Variants in PALM2AKAP2 observed in about 807,000 individuals in gnomAD.
The protein encoded by PALM2AKAP2 is PALM2-AKAP2 fusion protein.
In PALM2AKAP2, 37 loss-of-function variants were observed where a neutral mutation model predicts 71.5. That is an observed-to-expected ratio of 0.52 (90% confidence interval 0.40 to 0.68). PALM2AKAP2 has a LOEUF of 0.68. Among genes scored for constraint, PALM2AKAP2 ranks in the 30% least tolerant of loss-of-function variants. PALM2AKAP2 has a pLI of 0.00. For synonymous variants in PALM2AKAP2, 468 were observed against 478.8 expected (o/e 0.98, Z 0.29); for missense variants, 1,224 against 1,191.8 (o/e 1.03, Z -0.40).
At chr9:109,657,452 T>TTTTGTGTGTGTGTGTGTGTGTGTGTGTG (rs112474230) in intron 1 of PALM2AKAP2, among the ~76,000 whole-genome samples, 13 of 147,216 alleles carry the variant, frequency 8.8e-5, no homozygotes, top group African/African-American at 3.3e-4. Flanking sequence ...AATATGGTAT[T>TTTTGTGTGTGTGTGTGTGTGTGTGTGTG]TGTGTGTGTG....
chr9:109,989,596 G>T (rs934236365), intron 6 of PALM2AKAP2, among the ~76,000 whole-genome samples: 4 of 152,174 alleles, frequency 2.6e-5, no homozygotes, highest in African/African-American at 9.7e-5. Context: ...ACTCCAAATA[G>T]GTTATCTTCA....
intron 1 of PALM2AKAP2, among the ~76,000 whole-genome samples, chr9:110,116,049 C>A (rs1835354192): frequency 6.6e-6 from 1 of 152,200 alleles, no homozygotes; most frequent in African/African-American, 2.4e-5. Flanking sequence ...GAGACCTGTT[C>A]TGTTCCCTGG....
chr9:109,691,891 T>C (rs1440802481), intron 1 of PALM2AKAP2, among the ~76,000 whole-genome samples: 1 of 69,362 alleles, frequency 1.4e-5, no homozygotes, highest in Non-Finnish European at 2.9e-5. Flanking sequence ...CATATATATA[T>C]ATATATATAT....
At chr9:109,818,329 G>A (rs1262255339) in intron 1 of PALM2AKAP2, among the ~76,000 whole-genome samples, 1 of 152,036 alleles carries the variant, frequency 6.6e-6, no homozygotes, top group East Asian at 1.9e-4. Context: ...AGGAGCTATG[G>A]GTATCAATAA....
intron 1 of PALM2AKAP2, among the ~76,000 whole-genome samples, chr9:109,795,436 C>T (rs1388988926): frequency 6.6e-6 from 1 of 152,180 alleles, no homozygotes; most frequent in East Asian, 1.9e-4. Flanking sequence ...ATTTAACTAA[C>T]CTGCACGTTG....
chr9:109,705,465 C>T (rs1312188991), intron 1 of PALM2AKAP2, among the ~76,000 whole-genome samples: 1 of 152,142 alleles, frequency 6.6e-6, no homozygotes, highest in African/African-American at 2.4e-5. Flanking sequence ...CTTGTGTCCC[C>T]CACTTCTTCC....
chr9:110,146,796 G>C (rs1836184350), intron 2 of PALM2AKAP2, among the ~76,000 whole-genome samples: 1 of 152,174 alleles, frequency 6.6e-6, no homozygotes, highest in Non-Finnish European at 1.5e-5. Context: ...GGCAGGGAGA[G>C]AGTGTATGGG....
chr9:109,834,542 A>C (rs567367320), intron 1 of PALM2AKAP2, among the ~76,000 whole-genome samples: 2 of 151,962 alleles, frequency 1.3e-5, no homozygotes, highest in Non-Finnish European at 2.9e-5. Flanking sequence ...TAGTGTGAGG[A>C]CCTTGGGGGA....
chr9:110,043,918 C>T (rs1001181886), upstream of PALM2AKAP2, among the ~76,000 whole-genome samples: 5 of 151,852 alleles, frequency 3.3e-5, no homozygotes, highest in African/African-American at 7.3e-5. Flanking sequence ...GGGGTCTCAC[C>T]ATGTTGCCCA....
chr9:110,007,024 G>C (rs967790434), intron 6 of PALM2AKAP2, among the ~76,000 whole-genome samples: 2 of 152,124 alleles, frequency 1.3e-5, no homozygotes, highest in Non-Finnish European at 2.9e-5. Flanking sequence ...AGACTTTGGG[G>C]GTTCAGCTTT....
intron 3 of PALM2AKAP2, among the ~76,000 whole-genome samples, chr9:109,891,416 A>G (rs533660483): frequency 6.6e-6 from 1 of 152,216 alleles, no homozygotes; most frequent in South Asian, 2.1e-4. Context: ...AATGTCAGGT[A>G]AGGTCTGAGG....
chr9:109,669,707 A>T (rs1032280224), intron 1 of PALM2AKAP2, among the ~76,000 whole-genome samples: 1 of 150,062 alleles, frequency 6.7e-6, no homozygotes, highest in Admixed American at 6.7e-5. Flanking sequence ...TGGTAATATC[A>T]TCTACTTTTT....
chr9:110,132,013 AC>A (rs1329942984), intron 1 of PALM2AKAP2, among the ~76,000 whole-genome samples: 1 of 148,002 alleles, frequency 6.8e-6, no homozygotes, highest in Non-Finnish European at 1.5e-5. Flanking sequence ...CCAAACTTTG[AC>A]TTTTAACAAG....
intron 6 of PALM2AKAP2, among the ~76,000 whole-genome samples, chr9:109,992,937 A>ATT (rs1554734001): frequency 9.3e-6 from 1 of 107,406 alleles, no homozygotes; most frequent in Non-Finnish European, 2.1e-5. Context: ...ATTCATATAT[A>ATT]TGTATATATA....
chr9:110,142,831 A>G (rs1836067525), intron 2 of PALM2AKAP2, among the ~76,000 whole-genome samples: 1 of 152,242 alleles, frequency 6.6e-6, no homozygotes, highest in Non-Finnish European at 1.5e-5. Flanking sequence ...AATCATGTTA[A>G]GGGTTGTAGA....
chr9:110,020,347 A>C (rs886292964), intron 7 of PALM2AKAP2, among the ~76,000 whole-genome samples: 4 of 152,272 alleles, frequency 2.6e-5, no homozygotes, highest in Admixed American at 2.6e-4. Flanking sequence ...GAGGCCTCCC[A>C]GTCATGCTTC....
chr9:109,661,412 T>A (rs964196336), intron 1 of PALM2AKAP2, among the ~76,000 whole-genome samples: 14 of 152,224 alleles, frequency 9.2e-5, no homozygotes, highest in African/African-American at 2.2e-4. Context: ...ACCATTTATT[T>A]AATAGGGAAT....
intron 1 of PALM2AKAP2, among the ~76,000 whole-genome samples, chr9:109,794,280 G>A (rs1827190519): frequency 6.6e-6 from 1 of 152,040 alleles, no homozygotes; most frequent in African/African-American, 2.4e-5. Context: ...TTGAAAACCA[G>A]AAAATCTGAT....
intron 3 of PALM2AKAP2, among the ~76,000 whole-genome samples, chr9:109,907,731 T>C (rs1181007067): frequency 6.6e-6 from 1 of 152,242 alleles, no homozygotes; most frequent in Non-Finnish European, 1.5e-5. Context: ...CCCAGTGGGA[T>C]GACAAATTTC....
Sources: gnomAD v4.1 joint callset for allele counts (sites outside exome capture counted in the v4.1 genomes callset) on GRCh38, gnomAD v4.1.1 for gene constraint, MANE v1.5 for transcripts, NCBI Gene and HGNC (gene_info 2026-07-23, HGNC 2026-07-21) for gene names.